Variants in TEC observed in about 807,000 individuals in gnomAD.
TEC encodes the protein tec protein tyrosine kinase.
In TEC, 72 loss-of-function variants were observed where a neutral mutation model predicts 93.0. The ratio of observed to expected loss-of-function variants is 0.77; its 90% confidence interval spans 0.64 to 0.94. TEC has a LOEUF of 0.94. Among genes scored for constraint, TEC ranks in the 40% least tolerant of loss-of-function variants. The pLI, the probability that TEC is intolerant of heterozygous loss-of-function variation, is 0.00. For missense variants in TEC, 630 were observed against 757.9 expected, an observed-to-expected ratio of 0.83 and a Z score of 1.98; for synonymous variants, 249 against 247.7, an observed-to-expected ratio of 1.01 and a Z score of -0.05.
At chr4:48,261,455 A>G (rs1724494793) in intron 1 of TEC, among the ~76,000 whole-genome samples, 1 of 152,246 alleles carries the variant, frequency 6.6e-6, no homozygotes, top group African/African-American at 2.4e-5. Flanking sequence ...TCACTCTTGT[A>G]AGAAAAAAAG....
At chr4:48,166,941 G>A (rs970294674) in intron 7 of TEC, among the ~76,000 whole-genome samples, 5 of 151,758 alleles carry the variant, frequency 3.3e-5, no homozygotes, top group Non-Finnish European at 7.4e-5. Context: ...TGAAATTGGG[G>A]CTGGGGCTGG....
At chr4:48,185,060 A>G (rs999018259) in intron 2 of TEC, among the ~76,000 whole-genome samples, 1 of 152,198 alleles carries the variant, frequency 6.6e-6, no homozygotes, top group African/African-American at 2.4e-5. Context: ...AAACACACAC[A>G]CACACAATCC....
At chr4:48,254,390 G>C (rs1304971012) in intron 1 of TEC, among the ~76,000 whole-genome samples, 3 of 152,260 alleles carry the variant, frequency 2.0e-5, no homozygotes, top group African/African-American at 4.8e-5. Flanking sequence ...ACAGCAGAGA[G>C]AGCTACAGGG....
At chr4:48,209,127 C>T (rs767617071) in intron 2 of TEC, among the ~76,000 whole-genome samples, 5 of 152,208 alleles carry the variant, frequency 3.3e-5, no homozygotes, top group Admixed American at 6.5e-5. Flanking sequence ...ATAACTTTCT[C>T]AGCACAGAAA....
intron 1 of TEC, among the ~76,000 whole-genome samples, chr4:48,267,411 C>T (rs539412669): frequency 1.2e-4 from 18 of 152,284 alleles, no homozygotes; most frequent in African/African-American, 3.6e-4. Context: ...CAAGCACAGG[C>T]GTGTTTGGAG....
chr4:48,267,433 T>G (rs1423144612), intron 1 of TEC, among the ~76,000 whole-genome samples: 1 of 152,264 alleles, frequency 6.6e-6, no homozygotes, highest in African/African-American at 2.4e-5. Context: ...TGGAGGCAAC[T>G]ACTAGGCCCC....
chr4:48,265,515 A>ATAT (rs1387627778), intron 1 of TEC, among the ~76,000 whole-genome samples: 9 of 129,174 alleles, frequency 7.0e-5, no homozygotes, highest in African/African-American at 2.5e-4. Context: ...ATATATATAT[A>ATAT]TTTTTTTTTT....
At chr4:48,212,098 C>CAAAAAAAAAAAAAA (rs59441112) in intron 2 of TEC, among the ~76,000 whole-genome samples, 59 of 86,444 alleles carry the variant, frequency 6.8e-4, no homozygotes, top group African/African-American at 1.9e-3. Flanking sequence ...GACTCTGTCT[C>CAAAAAAAAAAAAAA]AAAAAAAAAA....
chr4:48,141,305 C>T, intron 15 of TEC, 50 bp downstream of exon 15: 2 of 1,517,302 alleles, frequency 1.3e-6, no homozygotes, highest in East Asian at 2.3e-5. Flanking sequence ...CTTATTAATT[C>T]CACCAAAAAA....
At chr4:48,259,283 G>C (rs1560428003) in intron 1 of TEC, among the ~76,000 whole-genome samples, 1 of 152,158 alleles carries the variant, frequency 6.6e-6, no homozygotes, top group South Asian at 2.1e-4. Context: ...TCCATGCAAG[G>C]TAATGAAACA....
At chr4:48,211,495 C>CG (rs1207355755) in intron 2 of TEC, among the ~76,000 whole-genome samples, 1 of 152,018 alleles carries the variant, frequency 6.6e-6, no homozygotes, top group Non-Finnish European at 1.5e-5. Flanking sequence ...ACTATTTATC[C>CG]TTATATTGTA....
intron 9 of TEC, among the ~76,000 whole-genome samples, chr4:48,151,766 C>T (rs371856050): frequency 1.3e-5 from 2 of 152,184 alleles, no homozygotes; most frequent in African/African-American, 2.4e-5. Flanking sequence ...GGATTACAGG[C>T]GTGAGCCAAC....
At chr4:48,177,806 T>C (rs963470049) in intron 2 of TEC, among the ~76,000 whole-genome samples, 1 of 152,098 alleles carries the variant, frequency 6.6e-6, no homozygotes, top group Non-Finnish European at 1.5e-5. Flanking sequence ...CTTGTGACAG[T>C]GAGTGAGTTC....
intron 1 of TEC, among the ~76,000 whole-genome samples, chr4:48,232,556 T>C (rs535427926): frequency 1.7e-4 from 26 of 152,178 alleles, no homozygotes; most frequent in Non-Finnish European, 2.6e-4. Flanking sequence ...TTATAATTCA[T>C]TGGCCAATGG....
At chr4:48,204,328 C>T (rs757531570) in intron 2 of TEC, among the ~76,000 whole-genome samples, 1 of 152,184 alleles carries the variant, frequency 6.6e-6, no homozygotes, top group South Asian at 2.1e-4. Context: ...ACCGTGGACA[C>T]TGAGTGATGA....
chr4:48,241,351 A>G (rs1434376142), intron 1 of TEC, among the ~76,000 whole-genome samples: 1 of 152,188 alleles, frequency 6.6e-6, no homozygotes, highest in Admixed American at 6.5e-5. Flanking sequence ...TAGGACATAA[A>G]AGCCCAAGTA....
In TEC at chr4:48,171,412, G is replaced by C; in HGVS notation, c.281C>G (p.Pro94Arg). ...CCACAGGTCCCTGCTTTGTGGACTA[G>C]GTGCAAAAATGTAAAGTGTGTTAGC... ...HDANTLYIFA[P>R]SPQSRDLWVK... Residue 94 changes from proline (P) to arginine (R), a missense_variant, in exon 4 of 18, where the codon CCT becomes CGT. Pro to Arg is a moderately radical substitution (Grantham distance 103). Around this residue, in one of 3 missense-constraint regions of TEC, gnomAD observed 335 missense variants for 351.5 expected, o/e 0.95. Coordinates refer to ENST00000381501, the MANE Select transcript of TEC (RefSeq NM_003215.3). The C allele has an allele frequency of 6.2e-7, 1 of 1,613,304 alleles. No individual in the cohort carries two copies. The highest frequency in any genetic ancestry group is 8.5e-7 in the Non-Finnish European group (1 of 1,179,752).
chr4:48,217,208 A>G (rs1723109220), intron 2 of TEC, among the ~76,000 whole-genome samples: 1 of 151,916 alleles, frequency 6.6e-6, no homozygotes, highest in African/African-American at 2.4e-5. Flanking sequence ...GGTTCAAACG[A>G]TTCTCTTGAC....
intron 1 of TEC, among the ~76,000 whole-genome samples, chr4:48,232,311 A>C (rs2941039): frequency 3.4e-4 from 22 of 64,816 alleles, no homozygotes; most frequent in African/African-American, 2.4e-3. Flanking sequence ...AAAACAAAAC[A>C]AAAAAAAAAC....
Sources: allele counts gnomAD v4.1 joint callset (sites outside exome capture counted in the v4.1 genomes callset), GRCh38; gene constraint gnomAD v4.1.1; regional missense constraint gnomAD v4.1.1; transcripts MANE v1.5; gene names NCBI Gene and HGNC (gene_info 2026-07-23, HGNC 2026-07-21).